The following USP34 variants were observed in gnomAD, a reference collection of about 807,000 sequenced individuals.
USP34 encodes the protein ubiquitin carboxyl-terminal hydrolase 34.
A neutral mutation model predicts 460.3 loss-of-function variants in USP34; 70 were observed. The observed-to-expected ratio is 0.15, with a 90% CI of 0.13 to 0.19. The LOEUF is 0.19. Ranked by LOEUF, USP34 falls within the 10% of genes least tolerant of loss-of-function variation. The probability of loss-of-function intolerance (pLI) is 1.00; values close to 1 mark genes in which losing one functional copy is unlikely to be tolerated. For missense variants in USP34, 3,985 were observed against 4,236.2 expected, an observed-to-expected ratio of 0.94 and a Z score of 1.65; for synonymous variants, 1,647 against 1,405.3, an observed-to-expected ratio of 1.17 and a Z score of -3.85.
intron 43 of USP34, among the ~76,000 whole-genome samples, chr2:61,264,125 T>G (rs2103914523): frequency 6.6e-6 from 1 of 152,316 alleles, no homozygotes; most frequent in Non-Finnish European, 1.5e-5. Context: ...CAGAAATATT[T>G]CCATAAGCTA....
rs762828113 is a variant in USP34 at position 61,265,574 on chromosome 2, G to A, written c.5618-17C>T. 32 of 1,577,456 alleles carry A rather than the reference G, an allele frequency of 2.0e-5. No individual in the cohort carries two copies. Among genetic ancestry groups the A allele is most frequent in the Non-Finnish European group, 2.5e-5 (29 of 1,159,164 alleles). On this transcript the variant is annotated splice_polypyrimidine_tract_variant and intron_variant, in intron 42 of 79. Coordinates refer to ENST00000398571, the MANE Select transcript of USP34 (RefSeq NM_014709.4). Reference sequence around the variant, plus strand: ...GTGCATGGGCTGCTGAAGAAAGAGGGAGGAAAAGATCCCCCCCAAACAAAC... The same window carrying A: ...GTGCATGGGCTGCTGAAGAAAGAGGAAGGAAAAGATCCCCCCCAAACAAAC...
intron 16 of USP34, 81 bp from the exon 17 acceptor site, chr2:61,339,762 A>G (rs1262176292): frequency 1.6e-6 from 1 of 621,424 alleles, no homozygotes; most frequent in Non-Finnish European, 2.5e-6. Context: ...TAGCAAATCC[A>G]AAGAAAAGTA....
chr2:61,256,713 C>T (rs1229151283), intron 47 of USP34, among the ~76,000 whole-genome samples, 160 bp downstream of exon 47: 1 of 151,898 alleles, frequency 6.6e-6, no homozygotes, highest in African/African-American at 2.4e-5. Context: ...CAAGAAAAAG[C>T]TTTATGGTTG....
chr2:61,227,481 C>A (rs984765813), intron 61 of USP34, among the ~76,000 whole-genome samples: 1 of 152,110 alleles, frequency 6.6e-6, no homozygotes, highest in South Asian at 2.1e-4. Context: ...AAGGCTGAGG[C>A]GGGTGGATCA....
intron 1 of USP34, among the ~76,000 whole-genome samples, chr2:61,443,197 G>A (rs1358477247): frequency 6.6e-6 from 1 of 152,124 alleles, no homozygotes; most frequent in Non-Finnish European, 1.5e-5. Flanking sequence ...AGCTAGATAG[G>A]AGGAATAAGT....
chr2:61,288,430 T>A (rs946493975), intron 34 of USP34, among the ~76,000 whole-genome samples: 2 of 152,204 alleles, frequency 1.3e-5, no homozygotes, highest in African/African-American at 4.8e-5. Context: ...AGTATATAAA[T>A]TACTGAGTTC....
At chr2:61,208,701 T>C in intron 70 of USP34, 198 bp downstream of exon 70, 1 of 337,724 alleles carries the variant, frequency 3.0e-6, no homozygotes, top group Admixed American at 4.8e-5. Flanking sequence ...ATGGAATTAC[T>C]ATGGAAAAAG....
chr2:61,305,546 C>T (rs376904440), intron 27 of USP34, among the ~76,000 whole-genome samples: 1 of 152,050 alleles, frequency 6.6e-6, no homozygotes. Flanking sequence ...ATCAGCAACA[C>T]CTTAACCAAT....
intron 3 of USP34, among the ~76,000 whole-genome samples, chr2:61,398,875 C>G (rs191565737): frequency 1.7e-4 from 26 of 152,314 alleles, no homozygotes; most frequent in Admixed American, 1.4e-3. Flanking sequence ...TAAATCCACT[C>G]CTGGCTATGA....
chr2:61,240,352 C>T (rs556458647), intron 53 of USP34, among the ~76,000 whole-genome samples: 103 of 151,564 alleles, frequency 6.8e-4, no homozygotes, highest in South Asian at 1.3e-3. Context: ...TGCAGTGGTG[C>T]GATCTCGGCT....
chr2:61,239,300 TCACACACACACA>T (rs60152908), intron 53 of USP34, among the ~76,000 whole-genome samples: 7,223 of 132,778 alleles, frequency 0.054, 225 homozygotes, highest in Non-Finnish European at 0.077. Flanking sequence ...GAGGGCCCTG[TCACACACACACA>T]CACACACACA....
intron 53 of USP34, among the ~76,000 whole-genome samples, chr2:61,238,275 G>A (rs145509778): frequency 8.9e-4 from 136 of 152,162 alleles, no homozygotes; most frequent in African/African-American, 3.0e-3. Flanking sequence ...AGCCATACAG[G>A]TCACTTTTTG....
intron 41 of USP34, among the ~76,000 whole-genome samples, chr2:61,272,025 G>A (rs1689230213): frequency 6.6e-6 from 1 of 152,048 alleles, no homozygotes; most frequent in Non-Finnish European, 1.5e-5. Context: ...AGAACTCTTG[G>A]TTTTACCGCC....
intron 3 of USP34, among the ~76,000 whole-genome samples, chr2:61,401,100 G>A (rs967358116): frequency 2.8e-5 from 4 of 140,604 alleles, no homozygotes; most frequent in East Asian, 2.1e-4. Context: ...GCAGTGAGCC[G>A]AGATCGCGCC....
intron 27 of USP34, among the ~76,000 whole-genome samples, chr2:61,304,253 T>C (rs575237394): frequency 1.6e-4 from 24 of 152,334 alleles, no homozygotes; most frequent in South Asian, 1.2e-3. Flanking sequence ...AATGTAATGA[T>C]TGATATTTGC....
At chr2:61,207,995 G>C (rs886402373) in intron 70 of USP34, 1 of 152,212 alleles carries the variant, frequency 6.6e-6, no homozygotes, top group East Asian at 1.9e-4. Flanking sequence ...CGTACCTCTG[G>C]TGACTCTGCA....
At position 61,189,028 on chromosome 2, in the gene USP34, G is replaced by C. The variant is rs764315934; in HGVS notation, c.9915C>G (p.Pro3305=). Reference sequence around the variant, plus strand: ...GAATTAGAGCTGGGTTTAACTGTTTGGGAGTGTGTACTGACAGGAGCAAAG... The same window carrying C: ...GAATTAGAGCTGGGTTTAACTGTTTCGGAGTGTGTACTGACAGGAGCAAAG... ...ALALLLSVHT[P]KQLNPALIPT... Residue 3305 remains proline (P), a synonymous_variant, in exon 79 of 80, where the codon CCC becomes CCG. Transcript: ENST00000398571. 1 of 1,614,180 alleles carries C rather than the reference G, an allele frequency of 6.2e-7. No individual in the cohort carries two copies. Among genetic ancestry groups the C allele is most frequent in the Admixed American group, 1.7e-5 (1 of 60,020 alleles).
At position 61,405,722 on chromosome 2, in the gene USP34, G is replaced by T; in HGVS notation, c.538C>A (p.His180Asn). 6.5e-7 allele frequency: 1 copy of T among 1,550,098 alleles called. No homozygotes were observed. The highest frequency in any genetic ancestry group is 8.7e-7 in the Non-Finnish European group (1 of 1,153,420). Residue 180 changes from histidine to asparagine, a missense_variant, in exon 3 of 80, where the codon CAC becomes AAC. Coordinates refer to ENST00000398571, the MANE Select transcript of USP34 (RefSeq NM_014709.4). ...PLYTAYKHNTHPTIEDISTQE... is the reference protein window; with the variant it reads ...PLYTAYKHNTNPTIEDISTQE... Reference sequence around the variant, plus strand: ...ATTTTACATACCTCAATAGTAGGGTGAGTATTATGCTTGTAAGCAGTATAT... The same window carrying T: ...ATTTTACATACCTCAATAGTAGGGTTAGTATTATGCTTGTAAGCAGTATAT...
intron 3 of USP34, among the ~76,000 whole-genome samples, chr2:61,402,378 A>C (rs1307695334): frequency 6.6e-6 from 1 of 152,166 alleles, no homozygotes; most frequent in Admixed American, 6.5e-5. Flanking sequence ...ATCAGCTTTG[A>C]TGGGGACAAT....
Sources: gnomAD v4.1 joint callset for allele counts (sites outside exome capture counted in the v4.1 genomes callset) on GRCh38, gnomAD v4.1.1 for gene constraint, MANE v1.5 for transcripts, NCBI Gene and HGNC (gene_info 2026-07-23, HGNC 2026-07-21) for gene names.